The following PDLIM1 variants were observed in gnomAD, a reference collection of about 807,000 sequenced individuals.
The protein encoded by PDLIM1 is PDZ and LIM domain protein 1.
A neutral mutation model predicts 35.2 loss-of-function variants in PDLIM1; 25 were observed. The ratio of observed to expected loss-of-function variants is 0.71; its 90% CI spans 0.52 to 0.99. The LOEUF (loss-of-function observed/expected upper bound fraction) is 0.99. Ranked by LOEUF, PDLIM1 falls within the 50% of genes least tolerant of loss-of-function variation. The probability of loss-of-function intolerance (pLI) is 0.00; values close to 1 mark genes in which losing one functional copy is unlikely to be tolerated. For synonymous variants in PDLIM1, 152 were observed against 154.0 expected, an observed-to-expected ratio of 0.99 and a Z score of 0.10; for missense variants, 363 against 415.3, an observed-to-expected ratio of 0.87 and a Z score of 1.09.
chr10:95,280,298 C>T lies in PDLIM1; in HGVS notation c.97-8514G>A, dbSNP rs974061684. Among the ~76,000 whole-genome samples, 15 of 152,210 alleles carry T rather than the reference C, an allele frequency of 9.9e-5. No individual in the cohort carries two copies. The South Asian group carries it at 1.0e-3, about 11-fold the overall frequency. On this transcript the variant is annotated intron_variant, in intron 1 of 6. Coordinates refer to ENST00000329399, the MANE Select transcript of PDLIM1 (RefSeq NM_020992.4). ...GCTGAGGCAGGAGAATCACTTGAAC[C>T]GGGGAGGCAGAGGTTGCAATGAGCC...
chr10:95,289,519 G>A (rs1318127094), intron 1 of PDLIM1, among the ~76,000 whole-genome samples: 1 of 152,176 alleles, frequency 6.6e-6, no homozygotes, highest in East Asian at 1.9e-4. Flanking sequence ...CCTCCTCACT[G>A]GGCCAGGCCA....
intron 4 of PDLIM1, among the ~76,000 whole-genome samples, chr10:95,249,648 C>CT (rs1395891611): frequency 6.6e-6 from 1 of 152,140 alleles, no homozygotes; most frequent in African/African-American, 2.4e-5. Context: ...CGCAAGTTCC[C>CT]TTTTCCTCTC....
intron 1 of PDLIM1, among the ~76,000 whole-genome samples, chr10:95,288,387 C>T (rs1589522232): frequency 6.6e-6 from 1 of 152,182 alleles, no homozygotes; most frequent in Non-Finnish European, 1.5e-5. Flanking sequence ...ATATACAAAA[C>T]TATACCAGCA....
intron 1 of PDLIM1, among the ~76,000 whole-genome samples, chr10:95,279,108 G>A (rs45620737): frequency 2.6e-5 from 4 of 151,872 alleles, no homozygotes; most frequent in African/African-American, 4.8e-5. Context: ...CCCTAGATTC[G>A]CAGCTTCTTT....
At chr10:95,247,485 C>A in intron 4 of PDLIM1, 119 bp from the exon 5 acceptor site, 1 of 803,458 alleles carries the variant, frequency 1.2e-6, no homozygotes, top group South Asian at 1.9e-5. Flanking sequence ...GATCTCAAAG[C>A]CCTCTCCTAA....
chr10:95,287,808 T>C (rs2035615615), intron 1 of PDLIM1, among the ~76,000 whole-genome samples: 1 of 151,544 alleles, frequency 6.6e-6, no homozygotes, highest in African/African-American at 2.4e-5. Flanking sequence ...AACGAGAATG[T>C]GGGTAAAAGA....
intron 2 of PDLIM1, among the ~76,000 whole-genome samples, chr10:95,269,320 C>A (rs957812794): frequency 1.3e-5 from 2 of 152,172 alleles, no homozygotes; most frequent in Non-Finnish European, 2.9e-5. Flanking sequence ...GCCTGTAATC[C>A]CAGCACTTTG....
At position 95,264,041 on chromosome 10, in the gene PDLIM1, G is replaced by T; in HGVS notation, c.356C>A (p.Ala119Asp). The change falls in exon 4 of 7, where the codon GCC becomes GAC. Residue 119 changes from alanine to aspartate, a missense_variant. Transcript: ENST00000329399. ...AAAGGGCATGGCACTTCGGTTGTGG[G>T]CGCTTCCTATGTGCAGGACCTCCTG... is the stretch of plus-strand genomic sequence containing the variant. ...EPQEVLHIGS[A>D]HNRSAMPFTA... 1 of 1,613,670 alleles carries T rather than the reference G, an allele frequency of 6.2e-7. No individual in the cohort carries two copies. The highest frequency in any genetic ancestry group is 1.1e-5 in the South Asian group (1 of 91,062).
intron 4 of PDLIM1, among the ~76,000 whole-genome samples, chr10:95,256,543 A>G (rs1452820625): frequency 6.6e-6 from 1 of 152,214 alleles, no homozygotes. Context: ...AAACCTTTGC[A>G]TACACTGTCA....
At position 95,267,811 on chromosome 10, in the gene PDLIM1, T is replaced by C. The variant is rs547610706; in HGVS notation, c.333+967A>G. Among the ~76,000 whole-genome samples the C allele has an allele frequency of 4.6e-5, 7 of 152,338 alleles. No individual in the cohort carries two copies. The East Asian group carries it at 9.6e-4, about 21-fold the overall frequency. On this transcript the variant is annotated intron_variant, in intron 3 of 6. Coordinates refer to ENST00000329399, the MANE Select transcript of PDLIM1 (RefSeq NM_020992.4). ...ATCTTAATTCACCATAAAAACTAAA[T>C]AGTATCCCAAATTTAGAAAAATAAG...
At chr10:95,263,087 G>A (rs1324879881) in intron 4 of PDLIM1, among the ~76,000 whole-genome samples, 1 of 151,544 alleles carries the variant, frequency 6.6e-6, no homozygotes, top group Non-Finnish European at 1.5e-5. Context: ...CGAGGCTGCA[G>A]TGAGCTGTGA....
chr10:95,253,564 G>A (rs115700644), intron 4 of PDLIM1, among the ~76,000 whole-genome samples: 4,050 of 151,794 alleles, frequency 0.027, 153 homozygotes, highest in African/African-American at 0.089. Flanking sequence ...GCTGAGGCAT[G>A]ACAATCACCT....
intron 4 of PDLIM1, among the ~76,000 whole-genome samples, chr10:95,256,987 A>AAGAAAGAAAGG (rs2035318030): frequency 4.4e-5 from 2 of 45,570 alleles, no homozygotes; most frequent in African/African-American, 1.9e-4. Context: ...AAAAAAAAAA[A>AAGAAAGAAAGG]AAGAAAGAAA....
At position 95,237,850 on chromosome 10, in the gene PDLIM1, G is replaced by C; in HGVS notation, c.*75C>G. The C allele has an allele frequency of 2.3e-6, 3 of 1,299,514 alleles. No homozygotes were observed. Among genetic ancestry groups the C allele is most frequent in the Non-Finnish European group, 1.1e-6 (1 of 928,292 alleles). The allele number at this position is 1,299,514 out of a possible 1,614,324, so 80.5% of individuals were successfully genotyped here. On this transcript the variant is annotated 3_prime_UTR_variant, in exon 7 of 7. Transcript: ENST00000329399. ...CAAAGTAAGCAGAGAACTTTCAAGA[G>C]AGGAGAGGGCCAGAACACTGAGAGA...
chr10:95,252,493 A>T (rs1248905341), intron 4 of PDLIM1, among the ~76,000 whole-genome samples: 1 of 152,252 alleles, frequency 6.6e-6, no homozygotes, highest in Non-Finnish European at 1.5e-5. Context: ...AAGAATGTTC[A>T]AGATTCAGTT....
rs546096302 is a variant in PDLIM1 at position 95,257,483 on chromosome 10, C to T, written c.533+6381G>A. On this transcript the variant is annotated intron_variant, in intron 4 of 6. Transcript: ENST00000329399. ...ACAACTCAACAAAAAACAAATAGCT[C>T]GATTAAAAAATGATCAAAGGATTTG... 7.9e-5 allele frequency among the ~76,000 whole-genome samples: 12 copies of T among 151,602 alleles called. No homozygotes were observed. The South Asian group carries it at 1.7e-3, about 21-fold the overall frequency.
intron 4 of PDLIM1, among the ~76,000 whole-genome samples, chr10:95,262,400 G>A (rs45562941): frequency 0.078 from 11,848 of 152,186 alleles, 531 homozygotes; most frequent in South Asian, 0.19. Context: ...GGCAAGTTTG[G>A]ACCACACAGT....
At chr10:95,262,002 C>A (rs1454292457) in intron 4 of PDLIM1, among the ~76,000 whole-genome samples, 2 of 139,010 alleles carry the variant, frequency 1.4e-5, no homozygotes, top group Non-Finnish European at 3.2e-5. Flanking sequence ...GAGTGAAACT[C>A]CGTCTCAAAA....
chr10:95,241,008 A>C (rs2035173187), intron 5 of PDLIM1, among the ~76,000 whole-genome samples: 1 of 152,190 alleles, frequency 6.6e-6, no homozygotes, highest in Non-Finnish European at 1.5e-5. Context: ...TGCATTTCCA[A>C]CAAGTTCCCA....
Sources: allele counts gnomAD v4.1 joint callset (sites outside exome capture counted in the v4.1 genomes callset), GRCh38; gene constraint gnomAD v4.1.1; transcripts MANE v1.5; gene names NCBI Gene and HGNC (gene_info 2026-07-23, HGNC 2026-07-21).